The following HDX variants were observed in gnomAD, a reference collection of about 807,000 sequenced individuals.
HDX encodes the protein highly divergent homeobox.
HDX carries 19 observed loss-of-function variants against 45.2 expected under a neutral mutation model. The observed-to-expected ratio is 0.42, with a 90% CI of 0.29 to 0.62. The LOEUF (loss-of-function observed/expected upper bound fraction) is 0.62. HDX is among the 20% of genes least tolerant of loss of function. The probability of loss-of-function intolerance (pLI) is 0.20; values close to 1 mark genes in which losing one functional copy is unlikely to be tolerated. For synonymous variants in HDX, 188 were observed against 172.8 expected (o/e 1.09, Z -0.69); for missense variants, 532 against 493.9 (o/e 1.08, Z -0.73).
intron 5 of HDX, among the ~76,000 whole-genome samples, chrX:84,420,509 G>T (rs1304972586): frequency 9.0e-6 from 1 of 111,445 alleles, no homozygotes; most frequent in Non-Finnish European, 1.9e-5. Context: ...AGTCTCAAAA[G>T]GGTAAATCTA....
rs574271096 is a variant in HDX at position 84,434,171 on chromosome X, T to G, written c.1305+6361A>C. Among the ~76,000 whole-genome samples, 8 of 111,407 alleles carry G rather than the reference T, an allele frequency of 7.2e-5. No homozygotes were observed. The South Asian group carries it at 3.0e-3, about 41-fold the overall frequency. On this transcript the variant is annotated intron_variant, in intron 5 of 10. Transcript: ENST00000373177. ...TTGTCCTTTCCAATTTGGATGCCTT[T>G]TTTTTTAATCTTACCTAATCACCGT... is the stretch of plus-strand genomic sequence containing the variant.
chrX:84,346,015 C>A (rs1489932109), intron 6 of HDX, among the ~76,000 whole-genome samples: 1 of 110,960 alleles, frequency 9.0e-6, no homozygotes. Context: ...AATATGAATT[C>A]TATGTAATAT....
Position 84,468,878 on chromosome X carries a change from G to A in HDX, c.845C>T (p.Ala282Val). Residue 282 changes from alanine (A) to valine (V), a missense_variant, in exon 4 of 11, where the codon GCC becomes GTC. By Grantham distance (64) the Ala-to-Val change is moderately conservative. Around this residue, in one of 3 missense-constraint regions of HDX, gnomAD observed 376 missense variants for 343.7 expected, o/e 1.09. Coordinates refer to ENST00000373177, the MANE Select transcript of HDX (RefSeq NM_001177479.2). ...TTCTGCTGAGCTAGGCTTCTGTGGG[G>A]CATTTCCTCCCAGAATTCTCTGGGG... is the stretch of plus-strand genomic sequence containing the variant. ...DYPQRILGGN[A>V]PQKPSSAEGN... 1 of 1,211,035 alleles carries A rather than the reference G, an allele frequency of 8.3e-7. No individual in the cohort carries two copies. The highest frequency in any genetic ancestry group is 1.1e-6 in the Non-Finnish European group (1 of 895,114).
intron 2 of HDX, among the ~76,000 whole-genome samples, chrX:84,482,243 T>C (rs1232111891): frequency 7.2e-5 from 8 of 111,703 alleles, no homozygotes; most frequent in Non-Finnish European, 1.9e-5. Context: ...TATTACTGGG[T>C]CAAATAATAG....
Position 84,407,140 on chromosome X carries a change from A to G in HDX, c.1305+33392T>C, listed in dbSNP as rs541031293. ...TTGCATGTCACAGGGACTTTGGTGT[A>G]CAGATTATTTCGCCACAGAGATAAT... On this transcript the variant is annotated intron_variant, in intron 5 of 10. Coordinates refer to ENST00000373177, the MANE Select transcript of HDX (RefSeq NM_001177479.2). Among the ~76,000 whole-genome samples, 6 of 111,391 alleles carry G rather than the reference A, an allele frequency of 5.4e-5. No individual in the cohort carries two copies. In the South Asian group the frequency reaches 2.3e-3, roughly 43 times the overall value.
chrX:84,369,068 A>T (rs2147869562), intron 5 of HDX, among the ~76,000 whole-genome samples: 1 of 110,376 alleles, frequency 9.1e-6, no homozygotes, highest in Non-Finnish European at 1.9e-5. Flanking sequence ...CTTGCAATAA[A>T]CTACCCATTT....
intron 5 of HDX, among the ~76,000 whole-genome samples, chrX:84,379,089 C>T (rs2038124948): frequency 1.8e-5 from 2 of 109,179 alleles, no homozygotes; most frequent in Admixed American, 2.0e-4. Flanking sequence ...ATAAAGGTGT[C>T]AATTTAGCAA....
chrX:84,335,086 G>T (rs748081612), intron 8 of HDX, among the ~76,000 whole-genome samples: 1 of 111,533 alleles, frequency 9.0e-6, no homozygotes, highest in Admixed American at 9.5e-5. Context: ...CAGGAAAACA[G>T]CTGCAGTGAA....
chrX:84,433,569 T>C (rs2039552632), intron 5 of HDX, among the ~76,000 whole-genome samples: 1 of 111,897 alleles, frequency 8.9e-6, no homozygotes, highest in African/African-American at 3.2e-5. Flanking sequence ...ATCAAAACCA[T>C]ACTTTTGTGG....
chrX:84,427,994 A>G (rs770364403), intron 5 of HDX, among the ~76,000 whole-genome samples: 2 of 110,597 alleles, frequency 1.8e-5, no homozygotes, highest in African/African-American at 6.5e-5. Flanking sequence ...GTGTGTGTGT[A>G]CTGGGCGCAC....
intron 9 of HDX, 30 bp from the exon 10 acceptor site, chrX:84,326,330 T>C (rs1247057685): frequency 1.1e-5 from 12 of 1,106,520 alleles, no homozygotes; most frequent in Non-Finnish European, 1.5e-5. Flanking sequence ...ATGATACAAT[T>C]ACCTTATGTA....
chrX:84,349,205 C>G (rs2037275510), intron 6 of HDX, among the ~76,000 whole-genome samples: 1 of 110,583 alleles, frequency 9.0e-6, no homozygotes, highest in South Asian at 3.9e-4. Context: ...TTTGTCTCAC[C>G]AATTTTGGGG....
chrX:84,439,517 T>C (rs2039715533), intron 5 of HDX, among the ~76,000 whole-genome samples: 1 of 111,535 alleles, frequency 9.0e-6, no homozygotes. Context: ...GGTTTTCCTC[T>C]AGGATTTTTA....
At chrX:84,471,011 C>T (rs891812122) in intron 3 of HDX, among the ~76,000 whole-genome samples, 13 of 111,366 alleles carry the variant, frequency 1.2e-4, no homozygotes, top group South Asian at 3.6e-4. Flanking sequence ...TCCTAAAAAA[C>T]GAATTAAAAT....
At chrX:84,361,140 T>G (rs2037612738) in intron 6 of HDX, among the ~76,000 whole-genome samples, 1 of 112,172 alleles carries the variant, frequency 8.9e-6, no homozygotes, top group Admixed American at 9.5e-5. Flanking sequence ...GTTTTTATTT[T>G]CATTTCCATA....
chrX:84,417,131 G>C (rs1031379428), intron 5 of HDX, among the ~76,000 whole-genome samples: 2 of 106,647 alleles, frequency 1.9e-5, no homozygotes, highest in African/African-American at 6.9e-5. Context: ...TCCAGCCTGA[G>C]TGACAGAGCG....
chrX:84,329,885 T>A (rs1020171228), intron 9 of HDX, among the ~76,000 whole-genome samples: 6 of 111,485 alleles, frequency 5.4e-5, no homozygotes, highest in African/African-American at 2.0e-4. Context: ...AGTGAGAACG[T>A]GATGGGAGTC....
chrX:84,500,532 C>T (rs751922319), intron 1 of HDX, among the ~76,000 whole-genome samples: 1 of 109,919 alleles, frequency 9.1e-6, no homozygotes, highest in South Asian at 3.9e-4. Context: ...AAGCAACTAA[C>T]AAAGACAATA....
chrX:84,410,080 A>AG (rs1260607252), intron 5 of HDX, among the ~76,000 whole-genome samples: 5 of 102,567 alleles, frequency 4.9e-5, no homozygotes, highest in African/African-American at 1.7e-4. Context: ...AAAAAAAAAA[A>AG]AAGAATCATA....
Sources: allele counts gnomAD v4.1 joint callset (sites outside exome capture counted in the v4.1 genomes callset), GRCh38; gene constraint gnomAD v4.1.1; regional missense constraint gnomAD v4.1.1; transcripts MANE v1.5; gene names NCBI Gene and HGNC (gene_info 2026-07-23, HGNC 2026-07-21).